GALNTL6: variants seen among roughly 807,000 people sequenced by gnomAD.
The protein encoded by GALNTL6 is polypeptide N-acetylgalactosaminyltransferase-like 6.
In GALNTL6, 46 loss-of-function variants were observed where a neutral mutation model predicts 73.7. The observed-to-expected ratio is 0.62, with a 90% CI of 0.49 to 0.80. The LOEUF is 0.80. Ranked by LOEUF, GALNTL6 falls within the 30% of genes least tolerant of loss-of-function variation. The pLI is 0.00. For synonymous variants in GALNTL6, 259 were observed against 263.7 expected (o/e 0.98, Z 0.17); for missense variants, 604 against 755.0 (o/e 0.80, Z 2.34).
chr4:173,041,423 AAG>A lies in GALNTL6; in HGVS notation c.*1324_*1325del, dbSNP rs1753880869. The A allele has an allele frequency of 6.6e-6, 1 of 152,162 alleles. No homozygotes were observed. Among genetic ancestry groups the A allele is most frequent in the Non-Finnish European group, 1.5e-5 (1 of 68,014 alleles). The allele number at this position is 152,162 out of a possible 1,614,324, so 9.4% of individuals were successfully genotyped here. ...ATTGGGGGAAGAAAACACAGGTATC[AAG>A]GTGGTTCTTGGGAAAAAAGAATCAT... On this transcript the variant is annotated 3_prime_UTR_variant, in exon 13 of 13. Transcript: ENST00000506823.
intron 3 of GALNTL6, among the ~76,000 whole-genome samples, chr4:172,250,111 A>G (rs938059365): frequency 6.6e-6 from 1 of 152,142 alleles, no homozygotes; most frequent in African/African-American, 2.4e-5. Context: ...GCCGTAGGGT[A>G]CAGCCCAAGG....
chr4:172,837,751 T>C (rs1742989568), intron 7 of GALNTL6, among the ~76,000 whole-genome samples: 1 of 152,180 alleles, frequency 6.6e-6, no homozygotes, highest in African/African-American at 2.4e-5. Context: ...AGAAAATCAC[T>C]GGATTAATGA....
At chr4:171,974,504 A>T (rs1049595686) in intron 2 of GALNTL6, among the ~76,000 whole-genome samples, 25 of 152,148 alleles carry the variant, frequency 1.6e-4, no homozygotes, top group Non-Finnish European at 2.6e-4. Flanking sequence ...TACATTTCCA[A>T]CTAATGATAA....
At chr4:172,690,181 T>C (rs1286780182) in intron 5 of GALNTL6, among the ~76,000 whole-genome samples, 1 of 152,190 alleles carries the variant, frequency 6.6e-6, no homozygotes, top group African/African-American at 2.4e-5. Context: ...ATTTATTTCA[T>C]TTTTTCTGAG....
At chr4:172,114,561 T>A (rs560454606) in intron 2 of GALNTL6, among the ~76,000 whole-genome samples, 5 of 152,038 alleles carry the variant, frequency 3.3e-5, no homozygotes, top group Admixed American at 3.3e-4. Flanking sequence ...GCTTCAATCA[T>A]TGGAACAATA....
chr4:172,121,257 TTGTG>T lies in GALNTL6; in HGVS notation c.139-108363_139-108360del, dbSNP rs375731048. Among the ~76,000 whole-genome samples, 1,227 of 142,448 alleles carry T rather than the reference TTGTG, an allele frequency of 8.6e-3. 10 individuals carry two copies. Among genetic ancestry groups the T allele is most frequent in the African/African-American group, 0.017 (664 of 39,200 alleles). 93.5% of individuals were successfully genotyped at this position (142,448 alleles called of 152,430 possible). On this transcript the variant is annotated intron_variant, in intron 2 of 12. Coordinates refer to ENST00000506823, the MANE Select transcript of GALNTL6 (RefSeq NM_001034845.3). ...GCTTGGCAGATGTTCTCAAGAAGCA[TTGTG>T]TGTGTGTGTGTGTGTGTGTGTGTGT...
chr4:172,082,023 C>T (rs558582631), intron 2 of GALNTL6, among the ~76,000 whole-genome samples: 2 of 151,922 alleles, frequency 1.3e-5, no homozygotes, highest in African/African-American at 4.8e-5. Context: ...ATTACAGGCA[C>T]CCATCAAATT....
At chr4:172,066,066 T>C (rs1731352926) in intron 2 of GALNTL6, among the ~76,000 whole-genome samples, 1 of 152,202 alleles carries the variant, frequency 6.6e-6, no homozygotes, top group South Asian at 2.1e-4. Flanking sequence ...GATACATTTG[T>C]TACAGTTGAT....
chr4:172,231,373 C>T (rs1184167126), intron 3 of GALNTL6, among the ~76,000 whole-genome samples: 1 of 152,156 alleles, frequency 6.6e-6, no homozygotes. Context: ...TTTATTTAAA[C>T]CTCAGAATAA....
intron 5 of GALNTL6, among the ~76,000 whole-genome samples, chr4:172,453,542 C>G (rs140192870): frequency 1.9e-3 from 293 of 152,272 alleles, no homozygotes; most frequent in African/African-American, 6.6e-3. Flanking sequence ...GAAACAAAAG[C>G]AGAGGCACAT....
At chr4:172,202,796 T>G (rs993766662) in intron 2 of GALNTL6, among the ~76,000 whole-genome samples, 2 of 152,202 alleles carry the variant, frequency 1.3e-5, no homozygotes, top group Non-Finnish European at 2.9e-5. Flanking sequence ...TACTATACAA[T>G]ATATAATAGA....
intron 2 of GALNTL6, among the ~76,000 whole-genome samples, chr4:172,125,143 G>A (rs1209581901): frequency 1.3e-5 from 2 of 152,090 alleles, no homozygotes; most frequent in Non-Finnish European, 1.5e-5. Flanking sequence ...AATGATGTAT[G>A]ACCTGCAAAT....
chr4:172,155,737 C>G (rs6852117), intron 2 of GALNTL6, among the ~76,000 whole-genome samples: 67,519 of 151,940 alleles, frequency 0.44, 15,662 homozygotes, highest in African/African-American at 0.56. Flanking sequence ...TAATATTACT[C>G]ATTAGATCAG....
intron 8 of GALNTL6, among the ~76,000 whole-genome samples, chr4:172,892,261 G>A (rs973264797): frequency 6.6e-6 from 1 of 152,158 alleles, no homozygotes; most frequent in Non-Finnish European, 1.5e-5. Flanking sequence ...GAGGAGGCTG[G>A]CAATTCTTTT....
intron 10 of GALNTL6, among the ~76,000 whole-genome samples, chr4:172,982,912 A>G (rs749229946): frequency 2.6e-5 from 4 of 152,148 alleles, no homozygotes; most frequent in Non-Finnish European, 5.9e-5. Flanking sequence ...GTTCTCACTC[A>G]TAAGTAGGTG....
Position 171,814,502 on chromosome 4 carries a change from G to T in GALNTL6, c.-79G>T. 1 of 1,497,358 alleles carries T rather than the reference G, an allele frequency of 6.7e-7. No homozygotes were observed. The highest frequency in any genetic ancestry group is 1.1e-5 in the South Asian group (1 of 87,034). The allele number at this position is 1,497,358 out of a possible 1,614,324, so 92.8% of individuals were successfully genotyped here. A position where few individuals can be genotyped will look rare whatever the true frequency, so the allele number is the denominator to read the frequency against. On this transcript the variant is annotated 5_prime_UTR_variant, in exon 2 of 13. The change creates a new upstream start codon in the 5' untranslated region. Transcript: ENST00000506823. ...AGTTTCTGGTGCTTCGCAGGGGAGA[G>T]GAAAGGAATTTGACATTAAACACAA...
At chr4:172,917,148 A>C (rs1201899227) in intron 8 of GALNTL6, among the ~76,000 whole-genome samples, 1 of 152,250 alleles carries the variant, frequency 6.6e-6, no homozygotes, top group African/African-American at 2.4e-5. Flanking sequence ...GAAACGGGGA[A>C]AGGATTCCCT....
chr4:172,876,989 T>G (rs1366834479), intron 7 of GALNTL6, among the ~76,000 whole-genome samples: 2 of 152,200 alleles, frequency 1.3e-5, no homozygotes, highest in Non-Finnish European at 2.9e-5. Context: ...GGGGAAACTG[T>G]GCCGTTTCAT....
At chr4:172,876,377 C>A (rs1044059944) in intron 7 of GALNTL6, among the ~76,000 whole-genome samples, 1 of 152,112 alleles carries the variant, frequency 6.6e-6, no homozygotes, top group East Asian at 1.9e-4. Context: ...AACTAGTTGG[C>A]CTTATTCCTT....
Sources: allele counts gnomAD v4.1 joint callset (sites outside exome capture counted in the v4.1 genomes callset), GRCh38; gene constraint gnomAD v4.1.1; transcripts MANE v1.5; gene names NCBI Gene and HGNC (gene_info 2026-07-23, HGNC 2026-07-21).